Variants in COL13A1 observed in about 807,000 individuals in gnomAD.
The protein encoded by COL13A1 is collagen type XIII alpha 1 chain, also known as collagen alpha-1(XIII) chain.
In COL13A1, 89 loss-of-function variants were observed where a neutral mutation model predicts 130.9. That is an observed-to-expected ratio of 0.68 (90% confidence interval 0.57 to 0.81). COL13A1 has a LOEUF of 0.81. COL13A1 is among the 30% of genes least tolerant of loss of function. The probability of loss-of-function intolerance (pLI) is 0.00; values close to 1 mark genes in which losing one functional copy is unlikely to be tolerated. For missense variants in COL13A1, 879 were observed against 934.6 expected (o/e 0.94, Z 0.78); for synonymous variants, 402 against 341.6 (o/e 1.18, Z -1.95).
chr10:69,958,841 G>T lies in COL13A1; in HGVS notation c.*140G>T. 8.6e-7 allele frequency: 1 copy of T among 1,166,006 alleles called. No homozygotes were observed. The allele number at this position is 1,166,006 out of a possible 1,614,324, so 72.2% of individuals were successfully genotyped here. Reference sequence around the variant, plus strand: ...AAAGAAAGAAAAACCTGCATATTTTGTACAGAAAATATCAACCTCTTCCCT... The same window carrying T: ...AAAGAAAGAAAAACCTGCATATTTTTTACAGAAAATATCAACCTCTTCCCT... On this transcript the variant is annotated 3_prime_UTR_variant, in exon 41 of 41. Transcript: ENST00000645393.
chr10:69,906,172 C>G (rs2062734779), intron 17 of COL13A1, among the ~76,000 whole-genome samples: 1 of 152,220 alleles, frequency 6.6e-6, no homozygotes, highest in Non-Finnish European at 1.5e-5. Flanking sequence ...GGTGGAGAGA[C>G]AAATTTCAGG....
At chr10:69,874,541 C>T (rs779358468) in intron 4 of COL13A1, among the ~76,000 whole-genome samples, 3 of 152,220 alleles carry the variant, frequency 2.0e-5, no homozygotes, top group Non-Finnish European at 4.4e-5. Flanking sequence ...ACTCGTGATT[C>T]GGCTGAATCC....
rs1466077800 is a variant in COL13A1, at chr10:69,924,960, C to T, written c.1285-3C>T. ...ACTTTGCTCCAATTTTGTCATGCAA[C>T]AGGGGGAGCGTGGAGCAGCTGGAGA... On this transcript the variant is annotated splice_polypyrimidine_tract_variant and splice_region_variant and intron_variant, in intron 24 of 40. Coordinates refer to ENST00000645393, the MANE Select transcript of COL13A1 (RefSeq NM_001368882.1). 2.5e-6 allele frequency: 4 copies of T among 1,588,686 alleles called. No individual in the cohort carries two copies. The highest frequency in any genetic ancestry group is 3.4e-6 in the Non-Finnish European group (4 of 1,167,982).
intron 11 of COL13A1, 45 bp from the exon 12 acceptor site, chr10:69,894,630 A>T (rs1201342973): frequency 2.5e-6 from 4 of 1,613,740 alleles, no homozygotes; most frequent in Non-Finnish European, 3.4e-6. Context: ...GGTGGCTGTG[A>T]CCTTAGCTTT....
At chr10:69,938,387 G>C (rs190725029) in intron 34 of COL13A1, among the ~76,000 whole-genome samples, 1 of 152,170 alleles carries the variant, frequency 6.6e-6, no homozygotes, top group African/African-American at 2.4e-5. Context: ...ACCCTCCCTG[G>C]AGCCCGGGCT....
intron 13 of COL13A1, among the ~76,000 whole-genome samples, chr10:69,897,032 G>A (rs1383124453): frequency 6.6e-6 from 1 of 152,336 alleles, no homozygotes; most frequent in East Asian, 1.9e-4. Flanking sequence ...TTGGGGTGGG[G>A]TGGGGGCAGG....
In COL13A1 at chr10:69,878,034, C is replaced by A; in HGVS notation, c.436-5C>A. On this transcript the variant is annotated splice_region_variant and splice_polypyrimidine_tract_variant and intron_variant, in intron 5 of 40. Coordinates refer to ENST00000645393, the MANE Select transcript of COL13A1 (RefSeq NM_001368882.1). ...TGCACCCTGTGTTGCATGTGGCTGCCCCAGGGAGTAAAGGGCCAACCAGGC... is the reference window on the plus strand; with the variant it reads ...TGCACCCTGTGTTGCATGTGGCTGCACCAGGGAGTAAAGGGCCAACCAGGC... 1.4e-6 allele frequency: 1 copy of A among 702,976 alleles called. No homozygotes were observed. The highest frequency in any genetic ancestry group is 1.5e-5 in the South Asian group (1 of 67,594). The allele number at this position is 702,976 out of a possible 1,614,324, so 43.5% of individuals were successfully genotyped here.
At chr10:69,948,371 C>CA (rs1302226334) in intron 38 of COL13A1, among the ~76,000 whole-genome samples, 1 of 152,200 alleles carries the variant, frequency 6.6e-6, no homozygotes, top group Non-Finnish European at 1.5e-5. Flanking sequence ...ATTTACTGAG[C>CA]ACTCCCATTT....
chr10:69,881,831 T>C (rs1049367056), intron 7 of COL13A1, among the ~76,000 whole-genome samples: 13 of 152,334 alleles, frequency 8.5e-5, no homozygotes, highest in African/African-American at 3.1e-4. Context: ...CACCTCCATT[T>C]TACAGATGAG....
At position 69,923,792 on chromosome 10, in the gene COL13A1, T is replaced by C. The variant is rs775082286; in HGVS notation, c.1231-10T>C. 1.9e-6 allele frequency: 3 copies of C among 1,608,400 alleles called. No homozygotes were observed. In the African/African-American group the frequency reaches 4.0e-5, roughly 22 times the overall value. On this transcript the variant is annotated splice_polypyrimidine_tract_variant and intron_variant, in intron 23 of 40. Coordinates refer to ENST00000645393, the MANE Select transcript of COL13A1 (RefSeq NM_001368882.1). ...GCATGCCCTCATCCCAACTCTCTCC[T>C]CTTCCCCAGGGAGAAGCAGGTGTCG...
At chr10:69,823,600 G>A (rs1174004500) in intron 2 of COL13A1, among the ~76,000 whole-genome samples, 1 of 152,226 alleles carries the variant, frequency 6.6e-6, no homozygotes, top group African/African-American at 2.4e-5. Context: ...AGCCAGGGAA[G>A]AGAGGCTGAC....
intron 10 of COL13A1, 35 bp downstream of exon 10, chr10:69,889,475 G>C (rs1288598216): frequency 7.5e-5 from 120 of 1,606,230 alleles, no homozygotes; most frequent in Non-Finnish European, 1.0e-4. Context: ...CCCGAGATGG[G>C]TGGGGGTTGG....
At position 69,828,602 on chromosome 10, in the gene COL13A1, T is replaced by G. The variant is rs558206173; in HGVS notation, c.364+6164T>G. 1.5e-4 allele frequency among the ~76,000 whole-genome samples: 23 copies of G among 152,388 alleles called. No homozygotes were observed. In the South Asian group the frequency reaches 2.1e-3, roughly 14 times the overall value. ...CAGTGTCCCACTTGCACACAACTCA[T>G]GCTATTCTGGTATCTTTGTTCTCAG... is the stretch of plus-strand genomic sequence containing the variant. On this transcript the variant is annotated intron_variant, in intron 2 of 40. Transcript: ENST00000645393.
At chr10:69,889,294 A>ACAGGGAGGAGCACGGGGGG (rs1334655702) in intron 9 of COL13A1, 120 bp from the exon 10 acceptor site, 49 of 1,266,406 alleles carry the variant, frequency 3.9e-5, no homozygotes, top group Non-Finnish European at 4.2e-5. Context: ...AGCACAGGGG[A>ACAGGGAGGAGCACGGGGGG]CAGGGAGGAG....
chr10:69,910,528 C>A (rs3793833), intron 17 of COL13A1, among the ~76,000 whole-genome samples: 3,385 of 152,296 alleles, frequency 0.022, 85 homozygotes, highest in South Asian at 0.1. Context: ...CTGGTATCCT[C>A]TTAAAAGCCA....
intron 2 of COL13A1, among the ~76,000 whole-genome samples, chr10:69,858,360 C>T (rs1589114745): frequency 6.6e-6 from 1 of 152,166 alleles, no homozygotes; most frequent in Admixed American, 6.5e-5. Context: ...GAGGTAGATA[C>T]TCTTATTACC....
intron 7 of COL13A1, among the ~76,000 whole-genome samples, chr10:69,880,955 G>A (rs1374797978): frequency 6.6e-6 from 1 of 152,208 alleles, no homozygotes; most frequent in Non-Finnish European, 1.5e-5. Context: ...ACTGACCCAG[G>A]CACGCACTAC....
intron 3 of COL13A1, among the ~76,000 whole-genome samples, chr10:69,871,748 C>T (rs1003138558): frequency 1.3e-5 from 2 of 152,192 alleles, no homozygotes; most frequent in South Asian, 2.1e-4. Flanking sequence ...GCCCCATGCC[C>T]GTCTCTGGCC....
chr10:69,862,876 A>C (rs1422311426), intron 2 of COL13A1, among the ~76,000 whole-genome samples: 1 of 152,342 alleles, frequency 6.6e-6, no homozygotes, highest in Middle Eastern at 3.4e-3. Context: ...TAAGGGTCTT[A>C]GCATAGCGTC....
Sources: gnomAD v4.1 joint callset for allele counts (sites outside exome capture counted in the v4.1 genomes callset) on GRCh38, gnomAD v4.1.1 for gene constraint, MANE v1.5 for transcripts, NCBI Gene and HGNC (gene_info 2026-07-23, HGNC 2026-07-21) for gene names.